The following BAP1 variants were observed in gnomAD, a reference collection of about 807,000 sequenced individuals.
BAP1 encodes ubiquitin carboxyl-terminal hydrolase BAP1.
Under a neutral mutation model 77.2 loss-of-function variants are expected in BAP1, and 16 were observed. That is an observed-to-expected ratio of 0.21 (90% CI 0.14 to 0.31). The LOEUF is 0.31. BAP1 is among the 10% of genes least tolerant of loss of function. BAP1 has a pLI of 1.00. For missense variants in BAP1, 699 were observed against 967.3 expected (o/e 0.72, Z 3.68); for synonymous variants, 362 against 385.2 (o/e 0.94, Z 0.71).
At position 52,406,548 on chromosome 3, in the gene BAP1, C is replaced by T. The variant is rs1294181960; in HGVS notation, c.660-172G>A. The T allele has an allele frequency of 6.5e-6, 7 of 1,075,608 alleles. No homozygotes were observed. Among genetic ancestry groups the T allele is most frequent in the African/African-American group, 1.6e-5 (1 of 64,114 alleles). The allele number at this position is 1,075,608 out of a possible 1,614,324, so 66.6% of individuals were successfully genotyped here. A position where few individuals can be genotyped will look rare whatever the true frequency, so the allele number is the denominator to read the frequency against. On this transcript the variant is annotated intron_variant, in intron 8 of 16. Transcript: ENST00000460680. This position sits in a 1 kb window ranked among gnomAD's most constrained non-coding sequence, Gnocchi z 4.6. ...ACATGCCAGGCACCTGAGCTGGTAC[C>T]TTCCAACAAGCTGTATGAGGGGCCT...
chr3:52,409,097 C>T (rs1303640338), intron 3 of BAP1, among the ~76,000 whole-genome samples: 2 of 152,344 alleles, frequency 1.3e-5, no homozygotes, highest in East Asian at 3.9e-4. Context: ...TGTTGCTACT[C>T]TCTTACACAT....
At position 52,405,307 on chromosome 3, in the gene BAP1, A is replaced by C; in HGVS notation, c.932-13T>G. 6.2e-7 allele frequency: 1 copy of C among 1,613,312 alleles called. No homozygotes were observed. Among genetic ancestry groups the C allele is most frequent in the African/African-American group, 1.3e-5 (1 of 74,996 alleles). On this transcript the variant is annotated splice_polypyrimidine_tract_variant and intron_variant, in intron 10 of 16. Transcript: ENST00000460680. The stretch of plus-strand genomic sequence containing the variant: ...TCCTCTGCACCATCTGAGACAGGGC[A>C]AGAACACAGGCAGGACCTCCAGTAG...
intron 3 of BAP1, 141 bp from the exon 4 acceptor site, chr3:52,408,747 C>G (rs1172346631): frequency 8.9e-7 from 1 of 1,128,920 alleles, no homozygotes; most frequent in East Asian, 2.6e-5. Context: ...TGGCTTCTTC[C>G]CAACACTGTG....
chr3:52,408,236 G>C (rs190356708), intron 4 of BAP1, among the ~76,000 whole-genome samples, 159 bp from the exon 5 acceptor site: 72 of 152,282 alleles, frequency 4.7e-4, no homozygotes, highest in Non-Finnish European at 8.5e-4. Context: ...CATTTAACAA[G>C]CACCTACCAA....
intron 3 of BAP1, among the ~76,000 whole-genome samples, chr3:52,408,838 A>C (rs1232915997): frequency 6.6e-6 from 1 of 152,346 alleles, no homozygotes; most frequent in Middle Eastern, 3.4e-3. Context: ...GTGATGCTCC[A>C]GGAGTCCACC....
rs1306592287 is a variant in BAP1 at position 52,407,329 on chromosome 3, A to T, written c.438-13T>A. On this transcript the variant is annotated splice_polypyrimidine_tract_variant and intron_variant, in intron 6 of 16. Coordinates refer to ENST00000460680, the MANE Select transcript of BAP1 (RefSeq NM_004656.4). Reference sequence around the variant, plus strand: ...GCGTGGCTCGGGCCTGGGGAAAAACAGAGTCAGGGCCCAAAAAATGATACT... The same window carrying T: ...GCGTGGCTCGGGCCTGGGGAAAAACTGAGTCAGGGCCCAAAAAATGATACT... The T allele has an allele frequency of 6.2e-7, 1 of 1,614,162 alleles. No homozygotes were observed.
At position 52,404,501 on chromosome 3, in the gene BAP1, T is replaced by C. The variant is rs1553645130; in HGVS notation, c.1202A>G (p.Tyr401Cys). ...PQQYSDDEDD[Y>C]EDDEEDDVQN... ...CACGTCATCCTCCTCGTCATCCTCA[T>C]AGTCATCCTCATCATCTGAGTACTG... is the stretch of plus-strand genomic sequence containing the variant. The change falls in exon 12 of 17, where the codon TAT becomes TGT. Residue 401 changes from tyrosine (Y) to cysteine (C), a missense_variant. Tyr to Cys is a radical substitution (Grantham distance 194). Coordinates refer to ENST00000460680, the MANE Select transcript of BAP1 (RefSeq NM_004656.4). 1.9e-6 allele frequency: 3 copies of C among 1,614,148 alleles called. No homozygotes were observed. Among genetic ancestry groups the C allele is most frequent in the Non-Finnish European group, 1.7e-6 (2 of 1,180,034 alleles).
intron 10 of BAP1, 175 bp from the exon 11 acceptor site, chr3:52,405,469 A>G: frequency 3.0e-6 from 1 of 335,620 alleles, no homozygotes; most frequent in Non-Finnish European, 5.5e-6. Flanking sequence ...GCAAAGAATG[A>G]GATGGGAAAA....
Position 52,409,798 on chromosome 3 carries a change from C to G in BAP1, c.37+44G>C, listed in dbSNP as rs778202992. Reference sequence around the variant, plus strand: ...TGGTCAGGCAGGCGCGTCCCGGGCCCATCCGGCCTCCCCAGCCCCTGGCCC... The same window carrying G: ...TGGTCAGGCAGGCGCGTCCCGGGCCGATCCGGCCTCCCCAGCCCCTGGCCC... On this transcript the variant is annotated intron_variant, in intron 1 of 16. Coordinates refer to ENST00000460680, the MANE Select transcript of BAP1 (RefSeq NM_004656.4). The G allele has an allele frequency of 1.2e-5, 19 of 1,612,920 alleles. No individual in the cohort carries two copies. The East Asian group carries it at 4.0e-4, about 34-fold the overall frequency.
Position 52,404,535 on chromosome 3 carries a change from G to C in BAP1, c.1168C>G (p.Pro390Ala), listed in dbSNP as rs1425178905. 1.2e-6 allele frequency: 2 copies of C among 1,613,954 alleles called. No homozygotes were observed. Among genetic ancestry groups the C allele is most frequent in the African/African-American group, 1.3e-5 (1 of 74,920 alleles). ...GVGRSRVPVR[P>A]PQQYSDDEDD... ...TCATCATCTGAGTACTGCTGGGGTG[G>C]GCGGACTGGAACTCGGCTGCGGCCC... Residue 390 changes from proline (P) to alanine (A), a missense_variant, in exon 12 of 17, where the codon CCA becomes GCA. Around this residue, in one of 3 missense-constraint regions of BAP1, gnomAD observed 475 missense variants for 532.4 expected, o/e 0.89. Transcript: ENST00000460680.
chr3:52,407,913 T>G (rs757938367), intron 5 of BAP1, 45 bp downstream of exon 5: 2 of 1,612,076 alleles, frequency 1.2e-6, no homozygotes, highest in Non-Finnish European at 1.7e-6. Context: ...CAGGGTCAGA[T>G]CTGCCCAGTT....
Position 52,401,919 on chromosome 3 carries a change from T to G in BAP1, c.*369A>C. 1 of 405,896 alleles carries G rather than the reference T, an allele frequency of 2.5e-6. No homozygotes were observed. Among genetic ancestry groups the G allele is most frequent in the Non-Finnish European group, 4.6e-6 (1 of 218,986 alleles). 25.1% of individuals were successfully genotyped at this position (405,896 alleles called of 1,614,324 possible). ...GAGAAAGCATAGTCAGGTAGGAACT[T>G]ATGTCAACATGGTGGCATGTTGGGT... On this transcript the variant is annotated 3_prime_UTR_variant, in exon 17 of 17. Coordinates refer to ENST00000460680, the MANE Select transcript of BAP1 (RefSeq NM_004656.4).
chr3:52,407,117 C>T, intron 7 of BAP1, 57 bp downstream of exon 7: 1 of 1,610,958 alleles, frequency 6.2e-7, no homozygotes, highest in South Asian at 1.1e-5. Flanking sequence ...CCCTGAGCCC[C>T]AGCTCCCTAG....
rs1559590768 is a variant in BAP1 at position 52,407,453 on chromosome 3, C to T, written c.383G>A (p.Gly128Glu). Residue 128 changes from glycine (G) to glutamate (E), a missense_variant, in exon 6 of 17, where the codon GGA (glycine) becomes GAA (glutamate). By Grantham distance (98) the Gly-to-Glu change is moderately conservative. Coordinates refer to ENST00000460680, the MANE Select transcript of BAP1 (RefSeq NM_004656.4). ...FTKGFSPESK[G>E]YAIGNAPELA... ...CTCCGGGGCATTGCCAATCGCATAT[C>T]CTTTGCTCTACGGGGAAGAAAATAA... 6.2e-7 allele frequency: 1 copy of T among 1,614,186 alleles called. No homozygotes were observed. The highest frequency in any genetic ancestry group is 1.3e-5 in the African/African-American group (1 of 75,042).
At position 52,406,784 on chromosome 3, in the gene BAP1, G is replaced by C. The variant is rs2153227595; in HGVS notation, c.659+45C>G. 1 of 1,540,274 alleles carries C rather than the reference G, an allele frequency of 6.5e-7. No individual in the cohort carries two copies. Among genetic ancestry groups the C allele is most frequent in the Non-Finnish European group, 8.8e-7 (1 of 1,136,558 alleles). On this transcript the variant is annotated intron_variant, in intron 8 of 16. Transcript: ENST00000460680. This position sits in a 1 kb window ranked among gnomAD's most constrained non-coding sequence, Gnocchi z 4.6. Reference sequence around the variant, plus strand: ...GATACTCTCTGTCCCTCCCAAAGTAGGTACAGCTCCAGAGAGTAGAACAGG... The same window carrying C: ...GATACTCTCTGTCCCTCCCAAAGTACGTACAGCTCCAGAGAGTAGAACAGG...
In BAP1 at chr3:52,406,051, A is replaced by G; in HGVS notation, c.784-139T>C. On this transcript the variant is annotated intron_variant, in intron 9 of 16. Coordinates refer to ENST00000460680, the MANE Select transcript of BAP1 (RefSeq NM_004656.4). The surrounding 1 kb of genome is among the most constrained non-coding windows in gnomAD (Gnocchi z 4.6). Reference sequence around the variant, plus strand: ...ACAGGGAAATAAAACACCCAAACCCAAACTTCCTTTTAGAAGCTATTCTCC... The same window carrying G: ...ACAGGGAAATAAAACACCCAAACCCGAACTTCCTTTTAGAAGCTATTCTCC... 6.7e-7 allele frequency: 1 copy of G among 1,502,194 alleles called. No individual in the cohort carries two copies. The highest frequency in any genetic ancestry group is 1.2e-5 in the South Asian group (1 of 85,002). The allele number at this position is 1,502,194 out of a possible 1,614,324, so 93.1% of individuals were successfully genotyped here. A position where few individuals can be genotyped will look rare whatever the true frequency, so the allele number is the denominator to read the frequency against.
rs1364387568 is a variant in BAP1, at chr3:52,403,792, C to G, written c.1353G>C (p.Lys451Asn). The G allele has an allele frequency of 6.2e-7, 1 of 1,614,108 alleles. No homozygotes were observed. The highest frequency in any genetic ancestry group is 8.5e-7 in the Non-Finnish European group (1 of 1,180,032). ...AGAGGTCCTTCTGGGACTCTTTGAGCTTCTCAGCCAAGACGTTGATGGTGT... is the reference window on the plus strand; with the variant it reads ...AGAGGTCCTTCTGGGACTCTTTGAGGTTCTCAGCCAAGACGTTGATGGTGT... ...QPNTINVLAE[K>N]LKESQKDLSI... The change falls in exon 13 of 17, where the codon AAG becomes AAC. Residue 451 changes from lysine (K) to asparagine (N), a missense_variant. Lys to Asn is a moderately conservative substitution (Grantham distance 94). Around this residue, in one of 3 missense-constraint regions of BAP1, gnomAD observed 475 missense variants for 532.4 expected, o/e 0.89. Coordinates refer to ENST00000460680, the MANE Select transcript of BAP1 (RefSeq NM_004656.4). The surrounding 1 kb of genome is among the most constrained non-coding windows in gnomAD (Gnocchi z 4.0).
rs1253002851 is a variant in BAP1, at chr3:52,403,477, G to A, written c.1668C>T (p.Val556=). The A allele has an allele frequency of 6.2e-7, 1 of 1,613,862 alleles. No homozygotes were observed. Among genetic ancestry groups the A allele is most frequent in the Non-Finnish European group, 8.5e-7 (1 of 1,179,984 alleles). Residue 556 remains valine (V), a synonymous_variant, in exon 13 of 17, where the codon GTC becomes GTT. Transcript: ENST00000460680. This position sits in a 1 kb window ranked among gnomAD's most constrained non-coding sequence, Gnocchi z 4.0. ...CCAGGTGCAGCAGGCCTGTGCTGAT[G>A]ACAGGACCCAGATCACGGACAGCAC... The part of the protein sequence containing the change: ...YNRAVRDLGP[V]ISTGLLHLAE...
In BAP1 at chr3:52,406,950, G is replaced by C. The variant is rs897581064; in HGVS notation, c.581-43C>G. 1 of 1,552,188 alleles carries C rather than the reference G, an allele frequency of 6.4e-7. No individual in the cohort carries two copies. The highest frequency in any genetic ancestry group is 8.7e-7 in the Non-Finnish European group (1 of 1,145,164). ...AAGGAATCAGCGAGAAGGAAACCCTGAGTTTGGGCAGGCCAGGAGTGGGAA... is the reference window on the plus strand; with the variant it reads ...AAGGAATCAGCGAGAAGGAAACCCTCAGTTTGGGCAGGCCAGGAGTGGGAA... On this transcript the variant is annotated intron_variant, in intron 7 of 16. Transcript: ENST00000460680. The surrounding 1 kb of genome is among the most constrained non-coding windows in gnomAD (Gnocchi z 4.6).
Sources: gnomAD v4.1 joint callset for allele counts (sites outside exome capture counted in the v4.1 genomes callset) on GRCh38, gnomAD v4.1.1 for gene constraint, gnomAD v4.1.1 regional missense constraint, Gnocchi (gnomAD v3.1) non-coding constraint, MANE v1.5 for transcripts, NCBI Gene and HGNC (gene_info 2026-07-23, HGNC 2026-07-21) for gene names.